C1orf21: variants seen among roughly 807,000 people sequenced by gnomAD.
C1orf21 encodes chromosome 1 open reading frame 21.
Under a neutral mutation model 18.7 loss-of-function variants are expected in C1orf21, and 3 were observed. That is an observed-to-expected ratio of 0.16 (90% CI 0.07 to 0.42). C1orf21 has a LOEUF of 0.42. C1orf21 is among the 10% of genes least tolerant of loss of function. The pLI, the probability that C1orf21 is intolerant of heterozygous loss-of-function variation, is 0.99. For synonymous variants in C1orf21, 41 were observed against 46.4 expected (o/e 0.88, Z 0.47); for missense variants, 104 against 143.6 (o/e 0.72, Z 1.41).
At chr1:184,491,741 C>T (rs962511080) in intron 2 of C1orf21, among the ~76,000 whole-genome samples, 1 of 152,164 alleles carries the variant, frequency 6.6e-6, no homozygotes, top group Admixed American at 6.5e-5. Context: ...CAGTGACCTT[C>T]GGGGCTTTGC....
At chr1:184,461,782 C>T (rs1027606132) in intron 1 of C1orf21, among the ~76,000 whole-genome samples, 8 of 152,048 alleles carry the variant, frequency 5.3e-5, no homozygotes, top group South Asian at 2.1e-4. Context: ...TTCCCTTTGA[C>T]GTACAAATAA....
chr1:184,590,961 CA>C (rs1659428688), intron 4 of C1orf21, 146 bp downstream of exon 4: 1 of 694,380 alleles, frequency 1.4e-6, no homozygotes, highest in African/African-American at 1.8e-5. Context: ...GAACTTGCCG[CA>C]CACCAAGTAC....
At chr1:184,607,658 CAT>C (rs1396945796) in intron 5 of C1orf21, among the ~76,000 whole-genome samples, 7 of 148,254 alleles carry the variant, frequency 4.7e-5, no homozygotes, top group Non-Finnish European at 8.9e-5. Flanking sequence ...TGTATATATA[CAT>C]ATATATGTGT....
intron 3 of C1orf21, among the ~76,000 whole-genome samples, chr1:184,547,313 G>A (rs751726357): frequency 6.6e-6 from 1 of 151,646 alleles, no homozygotes; most frequent in Non-Finnish European, 1.5e-5. Context: ...TTATATCAGG[G>A]TCTGAATTAT....
At chr1:184,411,587 A>AT (rs60814434) in intron 1 of C1orf21, among the ~76,000 whole-genome samples, 2,788 of 151,242 alleles carry the variant, frequency 0.018, 80 homozygotes, top group African/African-American at 0.062. Context: ...ACGCCTGGCT[A>AT]TTTTTTTTGT....
intron 1 of C1orf21, among the ~76,000 whole-genome samples, chr1:184,410,648 TATATATATATATA>T (rs1441104532): frequency 0.01 from 72 of 6,992 alleles, 8 homozygotes; most frequent in Admixed American, 0.015. Context: ...TATATATATA[TATATATATATATA>T]TATTTTTTTT....
At chr1:184,471,576 A>G (rs1657497372) in intron 1 of C1orf21, among the ~76,000 whole-genome samples, 1 of 152,002 alleles carries the variant, frequency 6.6e-6, no homozygotes, top group Non-Finnish European at 1.5e-5. Flanking sequence ...CAGGCATGTG[A>G]CAGCTGGGAC....
At chr1:184,401,290 G>T (rs1406693911) in intron 1 of C1orf21, among the ~76,000 whole-genome samples, 1 of 151,794 alleles carries the variant, frequency 6.6e-6, no homozygotes, top group Non-Finnish European at 1.5e-5. Context: ...GCACCATCTC[G>T]GCTCACTGCA....
intron 1 of C1orf21, among the ~76,000 whole-genome samples, chr1:184,474,021 A>G (rs187359326): frequency 1.8e-4 from 28 of 152,322 alleles, no homozygotes; most frequent in African/African-American, 3.8e-4. Context: ...GCAGAATCCA[A>G]ATGACATAGT....
intron 3 of C1orf21, among the ~76,000 whole-genome samples, chr1:184,559,503 C>CT (rs1213567772): frequency 3.5e-5 from 4 of 114,522 alleles, no homozygotes; most frequent in Admixed American, 8.6e-5. Flanking sequence ...TCCTTCCTTC[C>CT]CCCCTTCCTT....
rs1332246863 is a variant in C1orf21 at position 184,625,611 on chromosome 1, A to G, written c.*6055A>G. 6.6e-6 allele frequency: 1 copy of G among 152,652 alleles called. No individual in the cohort carries two copies. The highest frequency in any genetic ancestry group is 1.5e-5 in the Non-Finnish European group (1 of 68,036). The allele number at this position is 152,652 out of a possible 1,614,324, so 9.5% of individuals were successfully genotyped here. On this transcript the variant is annotated 3_prime_UTR_variant, in exon 6 of 6. Transcript: ENST00000235307. ...AAAGGAAATTTACTCTATCATTGCA[A>G]TACTTCAAGAAAGAGCTGTATTTTG...
intron 3 of C1orf21, among the ~76,000 whole-genome samples, chr1:184,532,152 G>C (rs1187759824): frequency 6.6e-6 from 1 of 151,990 alleles, no homozygotes; most frequent in Non-Finnish European, 1.5e-5. Flanking sequence ...GGCATGGCAT[G>C]GTGGCAGAGT....
intron 3 of C1orf21, among the ~76,000 whole-genome samples, chr1:184,551,637 C>G (rs2101981870): frequency 6.6e-6 from 1 of 152,260 alleles, no homozygotes; most frequent in Non-Finnish European, 1.5e-5. Flanking sequence ...GCTGCCCCTC[C>G]CCGTGCCAAT....
At chr1:184,415,628 A>G (rs746970398) in intron 1 of C1orf21, among the ~76,000 whole-genome samples, 1 of 152,188 alleles carries the variant, frequency 6.6e-6, no homozygotes, top group South Asian at 2.1e-4. Flanking sequence ...CAGAAGAGAA[A>G]GGAAATTATT....
intron 2 of C1orf21, among the ~76,000 whole-genome samples, chr1:184,483,438 C>T (rs1657684863): frequency 6.6e-6 from 1 of 152,224 alleles, no homozygotes; most frequent in Non-Finnish European, 1.5e-5. Context: ...ATGATCTCTC[C>T]TGCAGCCCGC....
chr1:184,406,610 G>C (rs1055075279), intron 1 of C1orf21, among the ~76,000 whole-genome samples: 1 of 152,098 alleles, frequency 6.6e-6, no homozygotes, highest in Non-Finnish European at 1.5e-5. Context: ...TTTCCTGATT[G>C]CTCCTTTAAA....
chr1:184,602,394 T>C (rs1363464353), intron 5 of C1orf21, among the ~76,000 whole-genome samples: 1 of 152,198 alleles, frequency 6.6e-6, no homozygotes, highest in Non-Finnish European at 1.5e-5. Flanking sequence ...TTTTGGAGAG[T>C]AAAAACACTG....
At chr1:184,461,046 A>G (rs978495292) in intron 1 of C1orf21, among the ~76,000 whole-genome samples, 5 of 152,058 alleles carry the variant, frequency 3.3e-5, no homozygotes, top group African/African-American at 9.7e-5. Context: ...TATTGTCAGT[A>G]TCAGCACCTC....
intron 1 of C1orf21, among the ~76,000 whole-genome samples, chr1:184,435,579 G>A (rs887191331): frequency 6.6e-6 from 1 of 152,166 alleles, no homozygotes; most frequent in Admixed American, 6.5e-5. Flanking sequence ...CTGACTTCAG[G>A]TGATCTGCCC....
Sources: allele counts gnomAD v4.1 joint callset (sites outside exome capture counted in the v4.1 genomes callset), GRCh38; gene constraint gnomAD v4.1.1; transcripts MANE v1.5; gene names NCBI Gene and HGNC (gene_info 2026-07-23, HGNC 2026-07-21).